Variants in EFCAB6 observed in about 807,000 individuals in gnomAD.
EFCAB6 encodes EF-hand calcium-binding domain-containing protein 6.
EFCAB6 carries 156 observed loss-of-function variants against 169.8 expected under a neutral mutation model. The observed-to-expected ratio is 0.92, with a 90% confidence interval of 0.81 to 1.05. The LOEUF is 1.05. Ranked by LOEUF, EFCAB6 falls within the 50% of genes least tolerant of loss-of-function variation. The probability of loss-of-function intolerance (pLI) is 0.00; values close to 1 mark genes in which losing one functional copy is unlikely to be tolerated. For synonymous variants in EFCAB6, 698 were observed against 676.4 expected (o/e 1.03, Z -0.50); for missense variants, 1,800 against 1,829.1 (o/e 0.98, Z 0.29).
At chr22:43,570,431 A>G (rs553012027) in intron 26 of EFCAB6, among the ~76,000 whole-genome samples, 51 of 152,298 alleles carry the variant, frequency 3.3e-4, no homozygotes, top group African/African-American at 1.2e-3. Flanking sequence ...GGGAAATGTT[A>G]AACAGGAACG....
At chr22:43,808,189 T>C (rs1248513788) in intron 2 of EFCAB6, among the ~76,000 whole-genome samples, 1 of 152,208 alleles carries the variant, frequency 6.6e-6, no homozygotes, top group Non-Finnish European at 1.5e-5. Flanking sequence ...ATTTACATTG[T>C]ATTAGGTATT....
intron 19 of EFCAB6, among the ~76,000 whole-genome samples, chr22:43,629,110 A>G (rs2054739006): frequency 6.6e-6 from 1 of 152,214 alleles, no homozygotes; most frequent in African/African-American, 2.4e-5. Context: ...CAGCGTGATT[A>G]CTGCAGGGAC....
At chr22:43,659,536 C>G (rs1028004608) in intron 17 of EFCAB6, among the ~76,000 whole-genome samples, 1 of 151,760 alleles carries the variant, frequency 6.6e-6, no homozygotes, top group African/African-American at 2.4e-5. Context: ...GGTGCATGCC[C>G]GTGGTCCCAG....
intron 10 of EFCAB6, among the ~76,000 whole-genome samples, chr22:43,708,939 C>T (rs2059056634): frequency 6.6e-6 from 1 of 152,146 alleles, no homozygotes; most frequent in South Asian, 2.1e-4. Flanking sequence ...TCAGAAATCC[C>T]TAGGTCCCTC....
At chr22:43,779,672 G>A (rs375893185) in intron 3 of EFCAB6, among the ~76,000 whole-genome samples, 8 of 152,112 alleles carry the variant, frequency 5.3e-5, no homozygotes, top group Admixed American at 6.5e-5. Flanking sequence ...CCCAGGAGAC[G>A]GAGCTTGCAG....
intron 26 of EFCAB6, among the ~76,000 whole-genome samples, chr22:43,560,471 G>C (rs1368985062): frequency 2.0e-5 from 3 of 152,220 alleles, no homozygotes; most frequent in Non-Finnish European, 4.4e-5. Flanking sequence ...AGACCTGTTT[G>C]TTATAGCATT....
At chr22:43,701,215 G>C (rs114417909) in intron 10 of EFCAB6, among the ~76,000 whole-genome samples, 17 of 152,290 alleles carry the variant, frequency 1.1e-4, no homozygotes, top group African/African-American at 3.9e-4. Flanking sequence ...GTGCTACCCA[G>C]TGGGCCAGGG....
chr22:43,666,454 C>G (rs5763955), intron 17 of EFCAB6, among the ~76,000 whole-genome samples: 3 of 152,180 alleles, frequency 2.0e-5, no homozygotes, highest in Admixed American at 6.5e-5. Flanking sequence ...TTATTGCCTT[C>G]TTCTAAATTT....
At chr22:43,804,797 C>T (rs950665095) in intron 2 of EFCAB6, among the ~76,000 whole-genome samples, 3 of 147,498 alleles carry the variant, frequency 2.0e-5, no homozygotes, top group African/African-American at 7.5e-5. Context: ...TAAATAAACA[C>T]AATTGAGACA....
intron 27 of EFCAB6, chr22:43,552,344 A>G (rs2048429997): frequency 6.6e-6 from 1 of 152,188 alleles, no homozygotes; most frequent in African/African-American, 2.4e-5. Flanking sequence ...GTCATATGGT[A>G]TTACTGCCTC....
intron 6 of EFCAB6, among the ~76,000 whole-genome samples, chr22:43,751,474 T>C (rs2060760083): frequency 6.6e-6 from 1 of 152,168 alleles, no homozygotes; most frequent in South Asian, 2.1e-4. Flanking sequence ...CTCCTGGCAG[T>C]CCTCGCCTGA....
At chr22:43,699,359 C>T (rs898827155) in intron 10 of EFCAB6, among the ~76,000 whole-genome samples, 3 of 152,322 alleles carry the variant, frequency 2.0e-5, no homozygotes, top group East Asian at 1.9e-4. Flanking sequence ...CTGAGGGCAA[C>T]CCTGTCCTCG....
chr22:43,772,153 C>T (rs2061491585), intron 4 of EFCAB6, among the ~76,000 whole-genome samples: 1 of 152,200 alleles, frequency 6.6e-6, no homozygotes, highest in African/African-American at 2.4e-5. Context: ...TGCCAACACT[C>T]CGTAAGTGTC....
intron 4 of EFCAB6, among the ~76,000 whole-genome samples, chr22:43,767,848 A>G (rs993294790): frequency 3.9e-5 from 6 of 152,232 alleles, no homozygotes; most frequent in African/African-American, 1.4e-4. Flanking sequence ...TAAGCCCCTT[A>G]GACAAGTAAA....
rs1556019048 is a variant in EFCAB6 at position 43,666,688 on chromosome 22, A to ATTGTT, written c.1983+411_1983+415dup. On this transcript the variant is annotated intron_variant, in intron 17 of 31. Transcript: ENST00000262726. ...TGAGTTTCCCATATTTCACTGCCAG[A>ATTGTT]TTGTTTTTTTTTTTTTTTTTTTTTT... 6.5e-3 allele frequency among the ~76,000 whole-genome samples: 548 copies of ATTGTT among 84,308 alleles called. 14 individuals carry two copies. The highest frequency in any genetic ancestry group is 0.014 in the South Asian group (31 of 2,178). The allele number at this position is 84,308 out of a possible 152,430, so 55.3% of individuals were successfully genotyped here.
intron 17 of EFCAB6, among the ~76,000 whole-genome samples, chr22:43,638,450 T>G (rs1303604797): frequency 1.3e-5 from 2 of 152,148 alleles, no homozygotes; most frequent in Non-Finnish European, 2.9e-5. Flanking sequence ...ATCCCTTAGA[T>G]TGTAGACCGA....
chr22:43,656,099 TGTG>T (rs2056724852), intron 17 of EFCAB6, among the ~76,000 whole-genome samples: 1 of 152,046 alleles, frequency 6.6e-6, no homozygotes, highest in African/African-American at 2.4e-5. Flanking sequence ...CCCACAAAAA[TGTG>T]GTAAGGGGCC....
intron 25 of EFCAB6, 94 bp downstream of exon 25, chr22:43,580,370 G>A: frequency 1.5e-6 from 2 of 1,362,028 alleles, no homozygotes; most frequent in Admixed American, 2.0e-5. Flanking sequence ...CAAGGAGAAT[G>A]AACAGAGGTG....
intron 26 of EFCAB6, among the ~76,000 whole-genome samples, chr22:43,565,956 T>C (rs1321848231): frequency 2.6e-5 from 4 of 151,898 alleles, no homozygotes; most frequent in East Asian, 1.9e-4. Context: ...TCTTCATTTG[T>C]ATTTACAGTG....
Sources: gnomAD v4.1 joint callset for allele counts (sites outside exome capture counted in the v4.1 genomes callset) on GRCh38, gnomAD v4.1.1 for gene constraint, MANE v1.5 for transcripts, NCBI Gene and HGNC (gene_info 2026-07-23, HGNC 2026-07-21) for gene names.